Variants in HECW1 observed in about 807,000 individuals in gnomAD.
HECW1 encodes the protein HECT, C2 and WW domain containing E3 ubiquitin protein ligase 1.
Under a neutral mutation model 182.3 loss-of-function variants are expected in HECW1, and 61 were observed. The ratio of observed to expected loss-of-function variants is 0.33; its 90% CI spans 0.27 to 0.41. The LOEUF (loss-of-function observed/expected upper bound fraction) is 0.41. Ranked by LOEUF, HECW1 falls within the 10% of genes least tolerant of loss-of-function variation. The pLI is 1.00. For missense variants in HECW1, 1,739 were observed against 2,108.9 expected (o/e 0.82, Z 3.44); for synonymous variants, 859 against 832.6 (o/e 1.03, Z -0.55).
At chr7:43,154,013 C>T (rs968255059) in intron 2 of HECW1, among the ~76,000 whole-genome samples, 2 of 152,046 alleles carry the variant, frequency 1.3e-5, no homozygotes, top group Admixed American at 1.3e-4. Context: ...AATCTTGTTA[C>T]TCAAATTCCA....
chr7:43,332,614 A>G (rs959579342), intron 5 of HECW1, among the ~76,000 whole-genome samples: 2 of 152,198 alleles, frequency 1.3e-5, no homozygotes, highest in African/African-American at 4.8e-5. Context: ...AATTACACAG[A>G]CAGACACAGC....
intron 2 of HECW1, among the ~76,000 whole-genome samples, chr7:43,222,514 A>G (rs1394879021): frequency 6.6e-6 from 1 of 152,212 alleles, no homozygotes; most frequent in African/African-American, 2.4e-5. Context: ...GAGGAAGAGC[A>G]CAAGAAATGT....
intron 2 of HECW1, among the ~76,000 whole-genome samples, chr7:43,217,265 T>G (rs1158890567): frequency 6.6e-6 from 1 of 152,230 alleles, no homozygotes; most frequent in Non-Finnish European, 1.5e-5. Flanking sequence ...ACTTTATGCT[T>G]GAGTTCTGAC....
intron 16 of HECW1, 78 bp downstream of exon 16, chr7:43,469,183 AGAGT>A: frequency 6.9e-7 from 1 of 1,448,318 alleles, no homozygotes; most frequent in South Asian, 1.2e-5. Flanking sequence ...CGTGAGGAGG[AGAGT>A]GTGGGGAGGA....
At chr7:43,232,834 A>G (rs1330150647) in intron 2 of HECW1, among the ~76,000 whole-genome samples, 1 of 152,204 alleles carries the variant, frequency 6.6e-6, no homozygotes, top group African/African-American at 2.4e-5. Context: ...AGAAGTCTCT[A>G]TCTTTAGGAT....
At chr7:43,368,457 T>C (rs1391542116) in intron 6 of HECW1, among the ~76,000 whole-genome samples, 1 of 152,258 alleles carries the variant, frequency 6.6e-6, no homozygotes, top group African/African-American at 2.4e-5. Context: ...TTGATCAGAC[T>C]AATTTCAGGT....
chr7:43,296,291 T>G (rs1464069409), intron 3 of HECW1, among the ~76,000 whole-genome samples: 1 of 152,244 alleles, frequency 6.6e-6, no homozygotes, highest in Non-Finnish European at 1.5e-5. Flanking sequence ...CTTGCTGTTT[T>G]TTCTTAATTT....
At chr7:43,455,993 T>C (rs10227288) in intron 12 of HECW1, among the ~76,000 whole-genome samples, 35,965 of 151,758 alleles carry the variant, frequency 0.24, 4,383 homozygotes, top group Middle Eastern at 0.31. Context: ...AGAGCAAGAC[T>C]CTGTCTCAAA....
intron 2 of HECW1, among the ~76,000 whole-genome samples, chr7:43,190,089 G>A (rs1793764697): frequency 1.3e-5 from 2 of 151,894 alleles, no homozygotes; most frequent in Non-Finnish European, 2.9e-5. Context: ...GGAAATTTTT[G>A]TTGTTGTTGT....
At chr7:43,281,596 G>A (rs367919227) in intron 3 of HECW1, among the ~76,000 whole-genome samples, 1 of 151,678 alleles carries the variant, frequency 6.6e-6, no homozygotes, top group African/African-American at 2.4e-5. Context: ...CTTTCTCTCA[G>A]TCCACTCTCC....
intron 2 of HECW1, among the ~76,000 whole-genome samples, chr7:43,185,944 G>A (rs1793355921): frequency 6.6e-6 from 1 of 152,144 alleles, no homozygotes. Context: ...AGTGTCGGCT[G>A]GCTCCAGCAA....
chr7:43,316,302 G>A (rs901827885), intron 4 of HECW1, among the ~76,000 whole-genome samples: 34 of 152,110 alleles, frequency 2.2e-4, no homozygotes, highest in African/African-American at 6.5e-4. Flanking sequence ...CAAAATGTAC[G>A]ATGACAAAAT....
rs1584906581 is a variant in HECW1 at position 43,438,066 on chromosome 7, A to G, written c.865A>G (p.Lys289Glu). ...AATTGAGGTGAAGGACAAGTTTGCC[A>G]AGAGCCGCCCCATCATCAAGCGCTT... ...LEIEVKDKFAKSRPIIKRFLG... is the reference protein window; with the variant it reads ...LEIEVKDKFAESRPIIKRFLG... Residue 289 changes from lysine (K) to glutamate (E), a missense_variant, in exon 9 of 30, where the codon AAG becomes GAG. Lys to Glu is a moderately conservative substitution (Grantham distance 56, BLOSUM62 1). This residue lies in a region of HECW1 where 66 missense variants were observed against 113.8 expected (regional missense o/e 0.58). Coordinates refer to ENST00000395891, the MANE Select transcript of HECW1 (RefSeq NM_015052.5). 1 of 1,614,126 alleles carries G rather than the reference A, an allele frequency of 6.2e-7. No homozygotes were observed. Among genetic ancestry groups the G allele is most frequent in the Non-Finnish European group, 8.5e-7 (1 of 1,180,010 alleles).
At chr7:43,229,422 G>T (rs1426781183) in intron 2 of HECW1, among the ~76,000 whole-genome samples, 2 of 151,486 alleles carry the variant, frequency 1.3e-5, no homozygotes, top group Admixed American at 6.6e-5. Context: ...GGAGCTAAAT[G>T]ATGAGAACTC....
In HECW1 at chr7:43,139,887, A is replaced by G. The variant is rs112646344; in HGVS notation, c.-32+25496A>G. On this transcript the variant is annotated intron_variant, in intron 2 of 29. Coordinates refer to ENST00000395891, the MANE Select transcript of HECW1 (RefSeq NM_015052.5). The stretch of plus-strand genomic sequence containing the variant: ...ATTACTGTCTGGGTGTCTTAGGTGA[A>G]TTGTTTAACCATTCTCAAAGCTTCA... Among the ~76,000 whole-genome samples the G allele has an allele frequency of 4.9e-3, 745 of 152,264 alleles. 3 individuals are homozygous for G. The highest frequency in any genetic ancestry group is 0.017 in the African/African-American group (699 of 41,546).
intron 24 of HECW1, among the ~76,000 whole-genome samples, chr7:43,523,821 G>T (rs1037232745): frequency 6.6e-6 from 1 of 152,136 alleles, no homozygotes; most frequent in African/African-American, 2.4e-5. Context: ...TGGGGTGTAA[G>T]GAGGCAAGGA....
chr7:43,185,401 G>A (rs1211880802), intron 2 of HECW1, among the ~76,000 whole-genome samples: 2 of 143,746 alleles, frequency 1.4e-5, no homozygotes, highest in Non-Finnish European at 1.6e-5. Context: ...GGGGTAAATA[G>A]TCGGAACTGT....
At chr7:43,214,680 CTG>C (rs1796290389) in intron 2 of HECW1, among the ~76,000 whole-genome samples, 2 of 152,150 alleles carry the variant, frequency 1.3e-5, no homozygotes. Context: ...CATAAAAGGA[CTG>C]TTGACCAAGG....
chr7:43,126,650 A>G (rs1447240718), intron 2 of HECW1, among the ~76,000 whole-genome samples: 1 of 152,194 alleles, frequency 6.6e-6, no homozygotes, highest in Non-Finnish European at 1.5e-5. Flanking sequence ...CATTTTTCTT[A>G]CAAATTGAAG....
Sources: gnomAD v4.1 joint callset for allele counts (sites outside exome capture counted in the v4.1 genomes callset) on GRCh38, gnomAD v4.1.1 for gene constraint, gnomAD v4.1.1 regional missense constraint, MANE v1.5 for transcripts, NCBI Gene and HGNC (gene_info 2026-07-23, HGNC 2026-07-21) for gene names.